SLC4A4: variants seen among roughly 807,000 people sequenced by gnomAD.
SLC4A4 encodes the protein solute carrier family 4 member 4.
Under a neutral mutation model 111.5 loss-of-function variants are expected in SLC4A4, and 27 were observed. The ratio of observed to expected loss-of-function variants is 0.24; its 90% CI spans 0.18 to 0.33. The LOEUF (loss-of-function observed/expected upper bound fraction) is 0.33, where lower values mean the gene tolerates loss of function less well. Among genes scored for constraint, SLC4A4 ranks in the 10% least tolerant of loss-of-function variants. SLC4A4 has a pLI of 1.00. For synonymous variants in SLC4A4, 443 were observed against 463.4 expected, an observed-to-expected ratio of 0.96 and a Z score of 0.57; for missense variants, 909 against 1,315.5, an observed-to-expected ratio of 0.69 and a Z score of 4.78.
intron 6 of SLC4A4, among the ~76,000 whole-genome samples, chr4:71,382,724 A>G (rs1220207547): frequency 6.6e-6 from 1 of 152,182 alleles, no homozygotes; most frequent in Non-Finnish European, 1.5e-5. Flanking sequence ...GATGAGTTCC[A>G]GTTGCCCTTT....
intron 16 of SLC4A4, among the ~76,000 whole-genome samples, chr4:71,518,356 G>T (rs1732605581): frequency 6.6e-6 from 1 of 152,144 alleles, no homozygotes; most frequent in African/African-American, 2.4e-5. Flanking sequence ...TAAGGGTCTA[G>T]CCTGGAGGGT....
chr4:71,357,137 T>C lies in SLC4A4; in HGVS notation c.680T>C (p.Ile227Thr). 1 of 1,614,142 alleles carries C rather than the reference T, an allele frequency of 6.2e-7. No homozygotes were observed. Among genetic ancestry groups the C allele is most frequent in the Non-Finnish European group, 8.5e-7 (1 of 1,180,002 alleles). Residue 227 changes from isoleucine to threonine, a missense_variant, in exon 6 of 26, where the codon ATT becomes ACT. Around this residue, in one of 7 missense-constraint regions of SLC4A4, gnomAD observed 312 missense variants for 402.0 expected, o/e 0.78. Transcript: ENST00000264485. ...KKSNLRSLADIGKTVSSASRM... is the reference protein window; with the variant it reads ...KKSNLRSLADTGKTVSSASRM... The stretch of plus-strand genomic sequence containing the variant: ...TCCAACCTTCGGTCCCTGGCTGACA[T>C]TGGGAAGACAGTCTCCAGTGCAAGT...
chr4:71,157,681 A>T (rs1315340871), intron 2 of SLC4A4, among the ~76,000 whole-genome samples: 1 of 152,182 alleles, frequency 6.6e-6, no homozygotes, highest in Non-Finnish European at 1.5e-5. Flanking sequence ...TGATTATTCA[A>T]AGACCTTCTG....
intron 16 of SLC4A4, among the ~76,000 whole-genome samples, chr4:71,520,846 TG>T (rs34957100): frequency 2.0e-5 from 3 of 151,592 alleles, no homozygotes; most frequent in Non-Finnish European, 1.5e-5. Flanking sequence ...TTCTTTTTTT[TG>T]GGGGGGTGGC....
chr4:71,087,939 A>C (rs924864154), intron 1 of SLC4A4, among the ~76,000 whole-genome samples: 1 of 151,938 alleles, frequency 6.6e-6, no homozygotes, highest in African/African-American at 2.4e-5. Context: ...TGCAGAGCTG[A>C]GTTCAATTCC....
chr4:71,234,950 G>C (rs564359731), intron 1 of SLC4A4, among the ~76,000 whole-genome samples: 4 of 152,234 alleles, frequency 2.6e-5, no homozygotes, highest in African/African-American at 7.2e-5. Context: ...CCATTGACTG[G>C]TCAGGGTGAA....
chr4:71,224,255 G>A (rs1469808820), intron 1 of SLC4A4, among the ~76,000 whole-genome samples: 1 of 152,126 alleles, frequency 6.6e-6, no homozygotes, highest in Non-Finnish European at 1.5e-5. Context: ...CTGGTCCTGC[G>A]AACACTGACC....
chr4:71,195,508 G>T (rs1745957677), intron 1 of SLC4A4, among the ~76,000 whole-genome samples: 1 of 152,070 alleles, frequency 6.6e-6, no homozygotes, highest in Admixed American at 6.5e-5. Flanking sequence ...CAGACATAAT[G>T]TTAGGAAAAT....
chr4:71,215,379 A>T (rs754147631), intron 1 of SLC4A4, among the ~76,000 whole-genome samples: 2 of 152,130 alleles, frequency 1.3e-5, no homozygotes, highest in Non-Finnish European at 2.9e-5. Flanking sequence ...ACTCATTTCA[A>T]ATAATACTCT....
At chr4:71,480,621 C>T (rs16846419) in intron 14 of SLC4A4, among the ~76,000 whole-genome samples, 20,516 of 151,678 alleles carry the variant, frequency 0.14, 1,668 homozygotes, top group African/African-American at 0.23. Context: ...GACCATGTGG[C>T]AGAGCTTATT....
intron 7 of SLC4A4, among the ~76,000 whole-genome samples, chr4:71,436,510 A>T (rs1203641537): frequency 6.6e-6 from 1 of 152,194 alleles, no homozygotes; most frequent in Non-Finnish European, 1.5e-5. Context: ...ATACATATGT[A>T]ACAAACCTGC....
At chr4:71,245,140 T>G (rs113765040) in intron 2 of SLC4A4, among the ~76,000 whole-genome samples, 1,879 of 152,202 alleles carry the variant, frequency 0.012, 53 homozygotes, top group African/African-American at 0.043. Context: ...TAGGCCCATT[T>G]GAGAAACAGA....
At chr4:71,534,178 A>C in intron 17 of SLC4A4, 49 bp from the exon 18 acceptor site, 1 of 1,562,074 alleles carries the variant, frequency 6.4e-7, no homozygotes, top group Non-Finnish European at 8.8e-7. Flanking sequence ...ACCAAATAGT[A>C]TATATTAACC....
At chr4:71,089,634 A>T (rs111819983) in intron 1 of SLC4A4, among the ~76,000 whole-genome samples, 1,934 of 152,136 alleles carry the variant, frequency 0.013, 66 homozygotes, top group African/African-American at 0.044. Context: ...CCTCAGGTGC[A>T]GGTCTTTTGG....
intron 6 of SLC4A4, among the ~76,000 whole-genome samples, chr4:71,376,998 A>T (rs1247610106): frequency 6.6e-6 from 1 of 152,154 alleles, no homozygotes; most frequent in African/African-American, 2.4e-5. Context: ...TTTTTATGAA[A>T]TTTTTTGTTT....
At chr4:71,552,434 G>A (rs1736085021) in intron 20 of SLC4A4, among the ~76,000 whole-genome samples, 1 of 151,704 alleles carries the variant, frequency 6.6e-6, no homozygotes, top group Non-Finnish European at 1.5e-5. Flanking sequence ...CTGCTGTACT[G>A]AATTCTGGTT....
chr4:71,202,612 TACA>T (rs1332262053), intron 1 of SLC4A4, among the ~76,000 whole-genome samples: 2 of 152,182 alleles, frequency 1.3e-5, no homozygotes, highest in African/African-American at 4.8e-5. Context: ...GAGGAAATAA[TACA>T]ACACCTTCTT....
chr4:71,202,608 A>C (rs1287692354), intron 1 of SLC4A4, among the ~76,000 whole-genome samples: 2 of 152,184 alleles, frequency 1.3e-5, no homozygotes, highest in East Asian at 1.9e-4. Flanking sequence ...GGAGGAGGAA[A>C]TAATACAACA....
At chr4:71,374,162 C>G (rs1043728529) in intron 6 of SLC4A4, among the ~76,000 whole-genome samples, 1 of 152,182 alleles carries the variant, frequency 6.6e-6, no homozygotes, top group African/African-American at 2.4e-5. Flanking sequence ...TCACAACTCT[C>G]TTTATTGCCC....
Sources: allele counts gnomAD v4.1 joint callset (sites outside exome capture counted in the v4.1 genomes callset), GRCh38; gene constraint gnomAD v4.1.1; regional missense constraint gnomAD v4.1.1; transcripts MANE v1.5; gene names NCBI Gene and HGNC (gene_info 2026-07-23, HGNC 2026-07-21).